Variants in NFIA observed in about 807,000 individuals in gnomAD.
The protein encoded by NFIA is nuclear factor 1 A-type.
Under a neutral mutation model 62.8 loss-of-function variants are expected in NFIA, and 8 were observed. The ratio of observed to expected loss-of-function variants is 0.13; its 90% CI spans 0.07 to 0.23. The LOEUF is 0.23. Ranked by LOEUF, NFIA falls within the 10% of genes least tolerant of loss-of-function variation. The probability of loss-of-function intolerance (pLI) is 1.00; values close to 1 mark genes in which losing one functional copy is unlikely to be tolerated. For synonymous variants in NFIA, 235 were observed against 238.1 expected (o/e 0.99, Z 0.12); for missense variants, 410 against 642.1 (o/e 0.64, Z 3.91).
intron 2 of NFIA, among the ~76,000 whole-genome samples, chr1:61,112,604 A>G (rs1237508100): frequency 6.6e-6 from 1 of 152,196 alleles, no homozygotes. Context: ...GTTTTTACCC[A>G]GATCTTATAT....
At chr1:61,454,162 C>A (rs1569924765) in intron 10 of NFIA, among the ~76,000 whole-genome samples, 1 of 152,112 alleles carries the variant, frequency 6.6e-6, no homozygotes, top group Non-Finnish European at 1.5e-5. Flanking sequence ...TTTCTGATAC[C>A]GTCAACTTAA....
At chr1:61,226,104 T>G (rs1485309939) in intron 2 of NFIA, among the ~76,000 whole-genome samples, 5 of 152,204 alleles carry the variant, frequency 3.3e-5, no homozygotes, top group Non-Finnish European at 5.9e-5. Context: ...AACCCAACTT[T>G]AGAAGAAAGT....
intron 2 of NFIA, among the ~76,000 whole-genome samples, chr1:61,155,974 C>T (rs1648792553): frequency 6.6e-6 from 1 of 152,084 alleles, no homozygotes; most frequent in African/African-American, 2.4e-5. Context: ...CCCGTCACTA[C>T]TAAAAATGCA....
intron 10 of NFIA, among the ~76,000 whole-genome samples, chr1:61,452,569 A>G (rs1290583972): frequency 6.6e-6 from 1 of 152,142 alleles, no homozygotes; most frequent in Admixed American, 6.5e-5. Flanking sequence ...TCATATTGAC[A>G]CCCCACCACA....
At chr1:61,255,965 G>A (rs1372537747) in intron 2 of NFIA, among the ~76,000 whole-genome samples, 1 of 152,094 alleles carries the variant, frequency 6.6e-6, no homozygotes, top group Non-Finnish European at 1.5e-5. Context: ...AAGCTCACTA[G>A]GAAGTATTTC....
chr1:61,123,945 C>A lies in NFIA; in HGVS notation c.559+35265C>A, dbSNP rs1338290178. 2.6e-5 allele frequency among the ~76,000 whole-genome samples: 4 copies of A among 152,290 alleles called. No individual in the cohort carries two copies. The East Asian group carries it at 7.7e-4, about 29-fold the overall frequency. Reference sequence around the variant, plus strand: ...TGTAAAAACCTTTCTGTTTTACCAGCTTTTATCAAATTATTTAATACTGGG... The same window carrying A: ...TGTAAAAACCTTTCTGTTTTACCAGATTTTATCAAATTATTTAATACTGGG... On this transcript the variant is annotated intron_variant, in intron 2 of 10. Transcript: ENST00000403491.
chr1:61,317,703 ATTAT>A (rs1214957866), intron 3 of NFIA, among the ~76,000 whole-genome samples: 1 of 152,074 alleles, frequency 6.6e-6, no homozygotes, highest in Admixed American at 6.6e-5. Context: ...GAATACTTGC[ATTAT>A]TTAACATTCC....
rs538268231 is a variant in NFIA at position 61,221,331 on chromosome 1, A to G, written c.560-56189A>G. Among the ~76,000 whole-genome samples the G allele has an allele frequency of 5.8e-4, 89 of 152,212 alleles. 2 individuals are homozygous for G. The South Asian group carries it at 8.1e-3, about 14-fold the overall frequency. ...TCTACACTTTGGTGTCAGGGTTTTC[A>G]TTTATTTCTGTTTCCTGCTTCCAGA... On this transcript the variant is annotated intron_variant, in intron 2 of 10. Transcript: ENST00000403491.
intron 9 of NFIA, among the ~76,000 whole-genome samples, chr1:61,425,926 C>G (rs1023148875): frequency 9.2e-5 from 14 of 152,188 alleles, no homozygotes; most frequent in Admixed American, 3.9e-4. Context: ...CTAAAGACAG[C>G]TTATTCTGAA....
At chr1:61,388,715 A>T (rs1017481717) in intron 7 of NFIA, among the ~76,000 whole-genome samples, 2 of 152,220 alleles carry the variant, frequency 1.3e-5, no homozygotes, top group African/African-American at 4.8e-5. Flanking sequence ...ATCTTTTGGT[A>T]TAATGTGTTC....
intron 3 of NFIA, among the ~76,000 whole-genome samples, chr1:61,315,706 T>C (rs1660333382): frequency 6.6e-6 from 1 of 152,204 alleles, no homozygotes; most frequent in Non-Finnish European, 1.5e-5. Context: ...TGGTTGACAT[T>C]ATGTAGCCTG....
chr1:61,282,161 C>T (rs1333637821), intron 3 of NFIA, among the ~76,000 whole-genome samples: 1 of 152,044 alleles, frequency 6.6e-6, no homozygotes, highest in Non-Finnish European at 1.5e-5. Flanking sequence ...TTGTCCCTCT[C>T]CCCTTCCTGC....
chr1:61,382,412 G>T (rs1182463329), intron 6 of NFIA, among the ~76,000 whole-genome samples: 2 of 152,042 alleles, frequency 1.3e-5, no homozygotes, highest in African/African-American at 4.8e-5. Context: ...AGCAATATAT[G>T]TTCATCATAG....
intron 7 of NFIA, chr1:61,385,727 G>A (rs569237393): frequency 6.6e-6 from 1 of 152,268 alleles, no homozygotes; most frequent in East Asian, 1.9e-4. Context: ...ACCCACGCTG[G>A]GTTGAACCAG....
At position 61,455,383 on chromosome 1, in the gene NFIA, G is replaced by T; in HGVS notation, c.*63G>T. The T allele has an allele frequency of 1.2e-6, 2 of 1,613,510 alleles. No homozygotes were observed. The highest frequency in any genetic ancestry group is 1.7e-6 in the Non-Finnish European group (2 of 1,179,812). ...TGACCCCTTCTCAACTCTGTAACAT[G>T]GACGCAACCTCAACCCAGCGCAGTT... is the stretch of plus-strand genomic sequence containing the variant. On this transcript the variant is annotated 3_prime_UTR_variant, in exon 11 of 11. Transcript: ENST00000403491.
chr1:61,335,858 T>G (rs952046289), intron 4 of NFIA, among the ~76,000 whole-genome samples: 2 of 151,236 alleles, frequency 1.3e-5, no homozygotes, highest in Admixed American at 6.6e-5. Flanking sequence ...AAAAAAGAAA[T>G]AAGCTAACTG....
intron 2 of NFIA, among the ~76,000 whole-genome samples, chr1:61,163,270 TC>T (rs1368595095): frequency 6.6e-6 from 1 of 152,232 alleles, no homozygotes; most frequent in Non-Finnish European, 1.5e-5. Context: ...ATAATTTTGG[TC>T]TTTTCTTTGT....
At chr1:61,441,774 T>C (rs1667594186) in intron 10 of NFIA, among the ~76,000 whole-genome samples, 1 of 152,220 alleles carries the variant, frequency 6.6e-6, no homozygotes, top group South Asian at 2.1e-4. Context: ...ATATTGCTCT[T>C]TGTTACATCA....
rs549826607 is a variant in NFIA, at chr1:61,106,592, A to C, written c.559+17912A>C. 5.5e-4 allele frequency among the ~76,000 whole-genome samples: 83 copies of C among 151,994 alleles called. 1 individual carries two copies. Among genetic ancestry groups the C allele is most frequent in the African/African-American group, 2.0e-3 (82 of 41,556 alleles). The stretch of plus-strand genomic sequence containing the variant: ...ATGTATTTCTTTTAAAATTTTTCAA[A>C]TCTGTTGCTAAAAAGCTGTAGAATA... On this transcript the variant is annotated intron_variant, in intron 2 of 10. Transcript: ENST00000403491.
Sources: gnomAD v4.1 joint callset for allele counts (sites outside exome capture counted in the v4.1 genomes callset) on GRCh38, gnomAD v4.1.1 for gene constraint, MANE v1.5 for transcripts, NCBI Gene and HGNC (gene_info 2026-07-23, HGNC 2026-07-21) for gene names.